Variants in STEAP3 observed in about 807,000 individuals in gnomAD.
STEAP3 encodes metalloreductase STEAP3.
Under a neutral mutation model 34.9 loss-of-function variants are expected in STEAP3, and 35 were observed. The ratio of observed to expected loss-of-function variants is 1.00; its 90% CI spans 0.76 to 1.33. STEAP3 has a LOEUF of 1.33. STEAP3 is among the 40% of genes most tolerant of loss of function. STEAP3 has a pLI of 0.00. For missense variants in STEAP3, 652 were observed against 667.6 expected (o/e 0.98, Z 0.26); for synonymous variants, 281 against 301.6 (o/e 0.93, Z 0.71).
At chr2:119,231,087 C>T in intron 2 of STEAP3, 53 bp downstream of exon 2, 2 of 1,611,086 alleles carry the variant, frequency 1.2e-6, no homozygotes, top group South Asian at 2.2e-5. Context: ...GTGCAAACCC[C>T]TCCCACCAGC....
rs1396844377 is a variant in STEAP3, at chr2:119,247,779, C to T, written c.623C>T (p.Ala208Val). Residue 208 changes from alanine (A) to valine (V), a missense_variant, in exon 4 of 6, where the codon GCC becomes GTC. Transcript: ENST00000393110. ...GTGGACATGGGATCCCTGGCGTCAG[C>T]CTGGGAGGTGGAGGCCATGCCCCTG... is the stretch of plus-strand genomic sequence containing the variant. ...MPVDMGSLAS[A>V]WEVEAMPLRL... The T allele has an allele frequency of 6.2e-7, 1 of 1,608,784 alleles. No individual in the cohort carries two copies.
intron 2 of STEAP3, among the ~76,000 whole-genome samples, chr2:119,240,846 C>T (rs952845875): frequency 7.2e-5 from 11 of 152,190 alleles, no homozygotes; most frequent in African/African-American, 2.7e-4. Flanking sequence ...AGCCAGGGCC[C>T]AGACAGGGTT....
intron 1 of STEAP3, among the ~76,000 whole-genome samples, chr2:119,225,122 C>A (rs1678998870): frequency 6.6e-6 from 1 of 152,198 alleles, no homozygotes. Flanking sequence ...CTCTCAGTCA[C>A]CTGCAAGGCT....
chr2:119,243,130 G>A (rs1677300294), intron 2 of STEAP3, among the ~76,000 whole-genome samples: 2 of 152,210 alleles, frequency 1.3e-5, no homozygotes, highest in African/African-American at 2.4e-5. Context: ...CAACCCCTCA[G>A]AGTCTCAGCT....
intron 4 of STEAP3, chr2:119,248,450 A>C: frequency 1.6e-5 from 8 of 515,362 alleles, no homozygotes; most frequent in East Asian, 3.2e-5. Flanking sequence ...ACTTAAACAA[A>C]ATACAGCAGT....
chr2:119,242,115 C>T (rs1400201179), intron 2 of STEAP3, among the ~76,000 whole-genome samples: 1 of 152,224 alleles, frequency 6.6e-6, no homozygotes, highest in East Asian at 1.9e-4. Context: ...GACCGCTTCT[C>T]ACTCATCCTT....
At chr2:119,240,101 G>C (rs1677203676) in intron 2 of STEAP3, among the ~76,000 whole-genome samples, 1 of 152,184 alleles carries the variant, frequency 6.6e-6, no homozygotes, top group South Asian at 2.1e-4. Flanking sequence ...AGACTCAGAA[G>C]TCTGAGACAA....
chr2:119,242,480 T>A (rs1347475935), intron 2 of STEAP3, among the ~76,000 whole-genome samples: 1 of 152,224 alleles, frequency 6.6e-6, no homozygotes. Context: ...TGAGGCCATC[T>A]GCAAGGCTCC....
intron 2 of STEAP3, among the ~76,000 whole-genome samples, chr2:119,233,453 T>C (rs558317740): frequency 6.6e-6 from 1 of 152,318 alleles, no homozygotes; most frequent in South Asian, 2.1e-4. Context: ...TAGAAACTCA[T>C]AGTATTATTA....
At position 119,230,834 on chromosome 2, in the gene STEAP3, T is replaced by C; in HGVS notation, c.-179T>C. ...CAGCCCCTGTGGCCAAGAGCTGGCG[T>C]GCAGGCTGCGGGAGGCAGCTGGCTG... On this transcript the variant is annotated 5_prime_UTR_variant, in exon 2 of 6. Transcript: ENST00000393110. 5.4e-6 allele frequency: 4 copies of C among 741,644 alleles called. No individual in the cohort carries two copies. Among genetic ancestry groups the C allele is most frequent in the South Asian group, 1.6e-5 (1 of 60,612 alleles). 45.9% of individuals were successfully genotyped at this position (741,644 alleles called of 1,614,324 possible). A position where few individuals can be genotyped will look rare whatever the true frequency, so the allele number is the denominator to read the frequency against.
intron 1 of STEAP3, among the ~76,000 whole-genome samples, chr2:119,225,322 C>T (rs548138452): frequency 6.6e-6 from 1 of 152,260 alleles, no homozygotes; most frequent in African/African-American, 2.4e-5. Context: ...CACTAGTGTC[C>T]TGAAGGGGGC....
At chr2:119,262,185 A>G (rs2104853335) in intron 5 of STEAP3, among the ~76,000 whole-genome samples, 1 of 152,264 alleles carries the variant, frequency 6.6e-6, no homozygotes, top group East Asian at 1.9e-4. Flanking sequence ...TTTACTCTGC[A>G]TTTATCTTCA....
At chr2:119,229,816 G>A (rs1295640532) in intron 1 of STEAP3, among the ~76,000 whole-genome samples, 1 of 152,030 alleles carries the variant, frequency 6.6e-6, no homozygotes, top group Non-Finnish European at 1.5e-5. Flanking sequence ...GTGGGGGGTG[G>A]AGTGGGCAGG....
chr2:119,227,923 G>A (rs752268412), intron 1 of STEAP3, among the ~76,000 whole-genome samples: 3 of 151,974 alleles, frequency 2.0e-5, no homozygotes, highest in African/African-American at 4.8e-5. Flanking sequence ...TCTGCCTCCC[G>A]ATTTCAAGCA....
rs780345116 is a variant in STEAP3 at position 119,265,585 on chromosome 2, CTGTT to C, written c.*2249_*2252del. 2.0e-5 allele frequency: 3 copies of C among 151,934 alleles called. No individual in the cohort carries two copies. The highest frequency in any genetic ancestry group is 4.4e-5 in the Non-Finnish European group (3 of 68,016). 9.4% of individuals were successfully genotyped at this position (151,934 alleles called of 1,614,324 possible). On this transcript the variant is annotated 3_prime_UTR_variant, in exon 6 of 6. Transcript: ENST00000393110. ...AAAATCTATGCCTTCAAAAGAGTCTCTGTTTTTTTTTTTTAACCTGGTAGACAGT... is the reference window on the plus strand; with the variant it reads ...AAAATCTATGCCTTCAAAAGAGTCTCTTTTTTTTTTAACCTGGTAGACAGT...
At chr2:119,252,999 CGAG>C (rs1677670906) in intron 4 of STEAP3, among the ~76,000 whole-genome samples, 1 of 152,038 alleles carries the variant, frequency 6.6e-6, no homozygotes, top group Non-Finnish European at 1.5e-5. Context: ...CAACTTCCAG[CGAG>C]GAGATGACTT....
At chr2:119,229,977 G>A (rs1679165158) in intron 1 of STEAP3, among the ~76,000 whole-genome samples, 1 of 152,190 alleles carries the variant, frequency 6.6e-6, no homozygotes, top group Non-Finnish European at 1.5e-5. Context: ...AGAACAATGA[G>A]GCCTTGGCTT....
intron 2 of STEAP3, among the ~76,000 whole-genome samples, chr2:119,242,073 A>G (rs113369804): frequency 0.064 from 9,744 of 151,872 alleles, 428 homozygotes; most frequent in Middle Eastern, 0.11. Context: ...CTTTCCCCCA[A>G]CCCACACTAG....
At chr2:119,242,176 G>A (rs1014782033) in intron 2 of STEAP3, among the ~76,000 whole-genome samples, 14 of 152,298 alleles carry the variant, frequency 9.2e-5, no homozygotes, top group Middle Eastern at 3.4e-3. Context: ...GGCAGGCAGC[G>A]GGGAGAGGGC....
Sources: gnomAD v4.1 joint callset for allele counts (sites outside exome capture counted in the v4.1 genomes callset) on GRCh38, gnomAD v4.1.1 for gene constraint, MANE v1.5 for transcripts, NCBI Gene and HGNC (gene_info 2026-07-23, HGNC 2026-07-21) for gene names.